The following SH2D4A variants were observed in gnomAD, a reference collection of about 807,000 sequenced individuals.
SH2D4A encodes SH2 domain-containing protein 4A.
Under a neutral mutation model 64.7 loss-of-function variants are expected in SH2D4A, and 70 were observed. The ratio of observed to expected loss-of-function variants is 1.08; its 90% CI spans 0.89 to 1.32. The LOEUF (loss-of-function observed/expected upper bound fraction) is 1.32. SH2D4A is among the 40% of genes most tolerant of loss of function. The probability of loss-of-function intolerance (pLI) is 0.00; values close to 1 mark genes in which losing one functional copy is unlikely to be tolerated. For synonymous variants in SH2D4A, 268 were observed against 200.7 expected, an observed-to-expected ratio of 1.34 and a Z score of -2.83; for missense variants, 706 against 540.1, an observed-to-expected ratio of 1.31 and a Z score of -3.04.
chr8:19,333,106 A>G lies in SH2D4A; in HGVS notation c.333A>G (p.Glu111=), dbSNP rs2052390291. ...RARLKAEQEA[E]EPRKTHSEEF... ...GGCTGAAAGCAGAACAGGAGGCAGAAGAGCCCAGGTATGAGATCTGCAAAC... is the reference window on the plus strand; with the variant it reads ...GGCTGAAAGCAGAACAGGAGGCAGAGGAGCCCAGGTATGAGATCTGCAAAC... The change falls in exon 3 of 10, where the codon GAA becomes GAG. Residue 111 remains glutamate (E), a synonymous_variant. Coordinates refer to ENST00000265807, the MANE Select transcript of SH2D4A (RefSeq NM_022071.4). The G allele has an allele frequency of 3.1e-6, 5 of 1,611,304 alleles. No homozygotes were observed. Among genetic ancestry groups the G allele is most frequent in the Admixed American group, 1.7e-5 (1 of 59,184 alleles).
chr8:19,314,742 A>C (rs933500893), intron 1 of SH2D4A, among the ~76,000 whole-genome samples: 2 of 152,210 alleles, frequency 1.3e-5, no homozygotes, highest in African/African-American at 4.8e-5. Context: ...AGTGGAAAGC[A>C]TACAGGGGCA....
rs1486602783 is a variant in SH2D4A at position 19,394,633 on chromosome 8, G to A, written c.1356G>A (p.Leu452=). 3 of 1,606,832 alleles carry A rather than the reference G, an allele frequency of 1.9e-6. No individual in the cohort carries two copies. The Admixed American group carries it at 5.0e-5, about 27-fold the overall frequency. ...QQDQLPDYLE[L]FE is the part of the protein sequence containing the mutation. ...ACCAGCTGCCTGACTACCTGGAGCT[G>A]TTTGAGTGACAGCCTCCATCAGGGT... Residue 452 remains leucine, a synonymous_variant, in exon 10 of 10, where the codon CTG becomes CTA. Transcript: ENST00000265807.
chr8:19,386,448 C>T (rs1488261516), intron 8 of SH2D4A, among the ~76,000 whole-genome samples: 1 of 152,190 alleles, frequency 6.6e-6, no homozygotes, highest in Non-Finnish European at 1.5e-5. Context: ...AGCCCATTAG[C>T]TCCAGGCTCT....
chr8:19,323,933 A>C (rs1427715480), intron 2 of SH2D4A, among the ~76,000 whole-genome samples: 1 of 152,206 alleles, frequency 6.6e-6, no homozygotes, highest in African/African-American at 2.4e-5. Flanking sequence ...CAGGGCAAAC[A>C]GTAAGTGACA....
In SH2D4A at chr8:19,319,434, A is replaced by C. The variant is rs2052146489; in HGVS notation, c.-114A>C. 7.5e-7 allele frequency: 1 copy of C among 1,328,462 alleles called. No individual in the cohort carries two copies. The highest frequency in any genetic ancestry group is 9.7e-7 in the Non-Finnish European group (1 of 1,035,856). 82.3% of individuals were successfully genotyped at this position (1,328,462 alleles called of 1,614,324 possible). A position where few individuals can be genotyped will look rare whatever the true frequency, so the allele number is the denominator to read the frequency against. ...ATTGTCCCAGTCAGCCAGGATTGTG[A>C]GCTGTTTGGGAAGTTTCGTGGAAAC... is the stretch of plus-strand genomic sequence containing the variant. On this transcript the variant is annotated 5_prime_UTR_variant, in exon 2 of 10. Transcript: ENST00000265807.
At chr8:19,328,438 C>T (rs754380178) in intron 2 of SH2D4A, among the ~76,000 whole-genome samples, 21 of 152,074 alleles carry the variant, frequency 1.4e-4, no homozygotes, top group African/African-American at 4.3e-4. Flanking sequence ...TCCCAGTTAG[C>T]GAGTTTCAGG....
chr8:19,354,634 A>T (rs750996599), intron 4 of SH2D4A, among the ~76,000 whole-genome samples: 1 of 152,222 alleles, frequency 6.6e-6, no homozygotes, highest in African/African-American at 2.4e-5. Flanking sequence ...TAATTTAAAG[A>T]AAGCAAGTAG....
chr8:19,332,868 C>A, intron 2 of SH2D4A, 87 bp from the exon 3 acceptor site: 1 of 1,338,886 alleles, frequency 7.5e-7, no homozygotes, highest in Non-Finnish European at 1.0e-6. Context: ...TTTTCAAAGA[C>A]CCAAAATACT....
chr8:19,351,242 C>T (rs1351717843), intron 4 of SH2D4A, among the ~76,000 whole-genome samples: 1 of 151,724 alleles, frequency 6.6e-6, no homozygotes, highest in East Asian at 1.9e-4. Context: ...ACCTGGTTGG[C>T]AAAATGGGTG....
chr8:19,339,952 T>A (rs2052501547), intron 4 of SH2D4A, among the ~76,000 whole-genome samples: 1 of 152,162 alleles, frequency 6.6e-6, no homozygotes, highest in African/African-American at 2.4e-5. Context: ...TCTCATGATA[T>A]TTTGGTTGGG....
intron 4 of SH2D4A, among the ~76,000 whole-genome samples, chr8:19,348,574 C>A (rs565841917): frequency 3.9e-5 from 6 of 152,232 alleles, no homozygotes; most frequent in African/African-American, 1.4e-4. Flanking sequence ...TAAAACTGGA[C>A]TTCAGTGGTT....
At chr8:19,356,413 T>C (rs2052792649) in intron 4 of SH2D4A, among the ~76,000 whole-genome samples, 1 of 152,180 alleles carries the variant, frequency 6.6e-6, no homozygotes, top group Non-Finnish European at 1.5e-5. Context: ...GCATATACTT[T>C]GCGGTAATGT....
intron 8 of SH2D4A, among the ~76,000 whole-genome samples, chr8:19,377,894 C>T (rs2053223867): frequency 6.6e-6 from 1 of 152,094 alleles, no homozygotes; most frequent in Admixed American, 6.6e-5. Context: ...TGCTACATGC[C>T]CACGAAACTG....
rs766520885 is a variant in SH2D4A at position 19,333,039 on chromosome 8, C to A, written c.266C>A (p.Pro89His). 3.7e-6 allele frequency: 6 copies of A among 1,613,806 alleles called. No homozygotes were observed. The highest frequency in any genetic ancestry group is 4.2e-6 in the Non-Finnish European group (5 of 1,180,002). Residue 89 changes from proline to histidine, a missense_variant, in exon 3 of 10, where the codon CCC (proline) becomes CAC (histidine). Physicochemically the swap from Pro to His is moderately conservative, Grantham distance 77. Transcript: ENST00000265807. ...ATGGGCGAACACCATCTAGATAAAC[C>A]CTATGATGTGCTCTGTAATGAAATT... ...WVMGEHHLDK[P>H]YDVLCNEIIA... is the part of the protein sequence containing the mutation.
At chr8:19,364,049 C>G (rs1238381269) in intron 6 of SH2D4A, 23 bp from the exon 7 acceptor site, 4 of 1,612,876 alleles carry the variant, frequency 2.5e-6, no homozygotes, top group Non-Finnish European at 3.4e-6. Context: ...TGAGGGTTTT[C>G]TCCGACCCCG....
chr8:19,367,863 G>A (rs1456555889), intron 7 of SH2D4A, among the ~76,000 whole-genome samples: 1 of 152,056 alleles, frequency 6.6e-6, no homozygotes, highest in East Asian at 1.9e-4. Flanking sequence ...ATTGCTTGAG[G>A]CCAGGAGTTT....
intron 2 of SH2D4A, among the ~76,000 whole-genome samples, chr8:19,331,051 T>C (rs959769578): frequency 1.3e-5 from 2 of 152,102 alleles, no homozygotes; most frequent in African/African-American, 4.8e-5. Context: ...AAATGGGAAT[T>C]CTTTGGTAGT....
chr8:19,384,916 A>G (rs539811725), intron 8 of SH2D4A, among the ~76,000 whole-genome samples: 6 of 152,352 alleles, frequency 3.9e-5, no homozygotes, highest in Non-Finnish European at 8.8e-5. Context: ...ATCTGTGTAT[A>G]AACAAGTTTA....
intron 8 of SH2D4A, among the ~76,000 whole-genome samples, chr8:19,384,812 C>T (rs1022009633): frequency 2.0e-5 from 3 of 152,198 alleles, no homozygotes; most frequent in Non-Finnish European, 4.4e-5. Context: ...TTTCTTCATT[C>T]TATCAACATT....
Sources: allele counts gnomAD v4.1 joint callset (sites outside exome capture counted in the v4.1 genomes callset), GRCh38; gene constraint gnomAD v4.1.1; transcripts MANE v1.5; gene names NCBI Gene and HGNC (gene_info 2026-07-23, HGNC 2026-07-21).